SDK1: variants seen among roughly 807,000 people sequenced by gnomAD.
SDK1 encodes protein sidekick-1.
Under a neutral mutation model 245.5 loss-of-function variants are expected in SDK1, and 157 were observed. That is an observed-to-expected ratio of 0.64 (90% CI 0.56 to 0.73). SDK1 has a LOEUF of 0.73. SDK1 is among the 30% of genes least tolerant of loss of function. The pLI is 0.00. For missense variants in SDK1, 3,583 were observed against 3,002.3 expected, an observed-to-expected ratio of 1.19 and a Z score of -4.52; for synonymous variants, 1,647 against 1,278.5, an observed-to-expected ratio of 1.29 and a Z score of -6.15.
chr7:3,788,496 G>T (rs1413350408), intron 4 of SDK1, among the ~76,000 whole-genome samples: 9 of 152,124 alleles, frequency 5.9e-5, no homozygotes, highest in Non-Finnish European at 1.3e-4. Context: ...CGAAGGCAAA[G>T]AAATCACATG....
At chr7:3,913,353 GCA>G (rs1221469133) in intron 5 of SDK1, among the ~76,000 whole-genome samples, 2 of 150,278 alleles carry the variant, frequency 1.3e-5, no homozygotes, top group Non-Finnish European at 3.0e-5. Context: ...GAGTGCAGTG[GCA>G]CGATCTCGGC....
rs547924363 is a variant in SDK1 at position 4,268,217 on chromosome 7, C to T, written c.*2833C>T. The T allele has an allele frequency of 1.1e-5, 11 of 989,226 alleles. No individual in the cohort carries two copies. The East Asian group carries it at 1.2e-3, about 111-fold the overall frequency. The allele number at this position is 989,226 out of a possible 1,614,324, so 61.3% of individuals were successfully genotyped here. On this transcript the variant is annotated 3_prime_UTR_variant, in exon 45 of 45. Coordinates refer to ENST00000404826, the MANE Select transcript of SDK1 (RefSeq NM_152744.4). ...CTCATTTCAGATTGCTTCGGCCCCA[C>T]CCTGCAAGGATGTGGTCACGGAGTG... is the stretch of plus-strand genomic sequence containing the variant.
intron 1 of SDK1, among the ~76,000 whole-genome samples, chr7:3,470,232 A>C (rs1781138313): frequency 6.6e-6 from 1 of 152,118 alleles, no homozygotes. Flanking sequence ...CCTTTAAACA[A>C]ATATGCACAG....
intron 4 of SDK1, among the ~76,000 whole-genome samples, chr7:3,787,146 T>TCACACA (rs34838736): frequency 0.054 from 7,440 of 137,630 alleles, 231 homozygotes; most frequent in Non-Finnish European, 0.064. Flanking sequence ...AGTATTGAAA[T>TCACACA]CACACACACA....
rs151033358 is a variant in SDK1, at chr7:4,151,886, C to T, written c.4625+2423C>T. Among the ~76,000 whole-genome samples the T allele has an allele frequency of 7.8e-4, 119 of 152,300 alleles. 1 individual carries two copies. In the East Asian group the frequency reaches 0.02, roughly 26 times the overall value. On this transcript the variant is annotated intron_variant, in intron 30 of 44. Transcript: ENST00000404826. ...TGAGGTTTTTGTAGTTGTCACATTCCGTGAGCCAGAGGTCAAGGCTCCATA... is the reference window on the plus strand; with the variant it reads ...TGAGGTTTTTGTAGTTGTCACATTCTGTGAGCCAGAGGTCAAGGCTCCATA...
At chr7:3,530,044 G>A (rs1204747664) in intron 1 of SDK1, among the ~76,000 whole-genome samples, 1 of 152,120 alleles carries the variant, frequency 6.6e-6, no homozygotes, top group East Asian at 1.9e-4. Flanking sequence ...TAAGAATGTA[G>A]TAACTAGATC....
At chr7:3,370,780 C>G (rs1781208110) in intron 1 of SDK1, among the ~76,000 whole-genome samples, 1 of 152,162 alleles carries the variant, frequency 6.6e-6, no homozygotes, top group South Asian at 2.1e-4. Context: ...TTTTAAAATT[C>G]ATGTACACAG....
intron 4 of SDK1, among the ~76,000 whole-genome samples, chr7:3,799,223 G>C (rs1237108247): frequency 6.6e-6 from 1 of 151,982 alleles, no homozygotes; most frequent in Non-Finnish European, 1.5e-5. Flanking sequence ...ACATTCAGTT[G>C]GTATGTACTT....
chr7:4,036,724 G>A (rs923164196), intron 17 of SDK1, among the ~76,000 whole-genome samples: 1 of 152,130 alleles, frequency 6.6e-6, no homozygotes, highest in African/African-American at 2.4e-5. Context: ...AGACCTCTGA[G>A]AGCTAGCTAG....
chr7:3,591,263 T>A (rs190014074), intron 1 of SDK1, among the ~76,000 whole-genome samples: 31 of 152,296 alleles, frequency 2.0e-4, no homozygotes, highest in African/African-American at 6.7e-4. Context: ...TGCAGTGTCA[T>A]AATACTGAGT....
At position 4,011,046 on chromosome 7, in the gene SDK1, A is replaced by G; in HGVS notation, c.2212A>G (p.Thr738Ala). ...VTVSGLTPAR[T>A]YQFRVCAVNE... ...CGTGAGTGGCCTGACTCCGGCTCGT[A>G]CCTATCAATTCCGGGTGTGCGCGGT... The change falls in exon 15 of 45, where the codon ACC (threonine) becomes GCC (alanine). Residue 738 changes from threonine (T) to alanine (A), a missense_variant. Transcript: ENST00000404826. 6.2e-7 allele frequency: 1 copy of G among 1,614,202 alleles called. No individual in the cohort carries two copies. The highest frequency in any genetic ancestry group is 8.5e-7 in the Non-Finnish European group (1 of 1,180,044).
chr7:4,144,164 G>A (rs1779789419), intron 28 of SDK1, among the ~76,000 whole-genome samples: 1 of 152,140 alleles, frequency 6.6e-6, no homozygotes, highest in Non-Finnish European at 1.5e-5. Flanking sequence ...CCGGGGGAAA[G>A]AGCTGGCCGC....
rs375402016 is a variant in SDK1 at position 4,205,766 on chromosome 7, A to T, written c.5099-113A>T. 1.3e-4 allele frequency: 112 copies of T among 854,522 alleles called. No individual in the cohort carries two copies. In the African/African-American group the frequency reaches 1.5e-3, roughly 12 times the overall value. The allele number at this position is 854,522 out of a possible 1,614,324, so 52.9% of individuals were successfully genotyped here. A position where few individuals can be genotyped will look rare whatever the true frequency, so the allele number is the denominator to read the frequency against. The stretch of plus-strand genomic sequence containing the variant: ...GCGACGGCCCAGGGAAGAATCTCTC[A>T]CATGGTTCCCAGCGGAATTAGGGCA... On this transcript the variant is annotated intron_variant, in intron 35 of 44. Transcript: ENST00000404826.
chr7:4,230,191 A>G (rs1009863034), intron 40 of SDK1, among the ~76,000 whole-genome samples: 7 of 144,264 alleles, frequency 4.9e-5, no homozygotes, highest in African/African-American at 1.8e-4. Context: ...GGGTGGATTG[A>G]TGGGTAGGTA....
intron 2 of SDK1, 69 bp downstream of exon 2, chr7:3,619,308 C>G (rs1324577206): frequency 3.1e-6 from 4 of 1,294,234 alleles, no homozygotes; most frequent in South Asian, 2.8e-5. Flanking sequence ...CCTTACTGGT[C>G]ATAATAGCAC....
At chr7:3,619,288 G>C (rs761661055) in intron 2 of SDK1, 49 bp downstream of exon 2, 1 of 1,525,796 alleles carries the variant, frequency 6.6e-7, no homozygotes, top group Non-Finnish European at 9.0e-7. Context: ...TGATGTGTTT[G>C]GAATACTTGC....
intron 1 of SDK1, among the ~76,000 whole-genome samples, chr7:3,471,896 T>C (rs1477858077): frequency 1.3e-5 from 2 of 152,232 alleles, no homozygotes; most frequent in South Asian, 2.1e-4. Flanking sequence ...TGTTTTGCAT[T>C]TGATTTTGAG....
intron 1 of SDK1, among the ~76,000 whole-genome samples, chr7:3,591,177 T>A (rs1221332818): frequency 6.6e-6 from 1 of 152,230 alleles, no homozygotes; most frequent in Non-Finnish European, 1.5e-5. Context: ...CTGTAGGCAG[T>A]TCAAGGTGTT....
chr7:3,874,360 C>G (rs1236137807), intron 5 of SDK1, among the ~76,000 whole-genome samples: 1 of 152,208 alleles, frequency 6.6e-6, no homozygotes, highest in Non-Finnish European at 1.5e-5. Flanking sequence ...CTTCTTGCAG[C>G]TCCCCTGCTG....
Sources: gnomAD v4.1 joint callset for allele counts (sites outside exome capture counted in the v4.1 genomes callset) on GRCh38, gnomAD v4.1.1 for gene constraint, MANE v1.5 for transcripts, NCBI Gene and HGNC (gene_info 2026-07-23, HGNC 2026-07-21) for gene names.